Variants in NCAM2 observed in about 807,000 individuals in gnomAD.
NCAM2 encodes N-CAM-2.
In NCAM2, 30 loss-of-function variants were observed where a neutral mutation model predicts 98.1. The observed-to-expected ratio is 0.31, with a 90% CI of 0.23 to 0.41. The LOEUF is 0.41. NCAM2 is among the 10% of genes least tolerant of loss of function. NCAM2 has a pLI of 1.00. For synonymous variants in NCAM2, 368 were observed against 342.4 expected (o/e 1.07, Z -0.83); for missense variants, 867 against 1,005.8 (o/e 0.86, Z 1.87).
chr21:21,064,511 C>T (rs1454354603), intron 1 of NCAM2, among the ~76,000 whole-genome samples: 4 of 152,180 alleles, frequency 2.6e-5, no homozygotes, highest in Admixed American at 1.3e-4. Context: ...CTTTTCTCCA[C>T]TGAAAGCATT....
rs534075142 is a variant in NCAM2, at chr21:21,370,140, G to C, written c.1045-3723G>C. Among the ~76,000 whole-genome samples the C allele has an allele frequency of 2.0e-5, 3 of 151,596 alleles. No individual in the cohort carries two copies. The South Asian group carries it at 6.2e-4, about 31-fold the overall frequency. On this transcript the variant is annotated intron_variant, in intron 8 of 17. Transcript: ENST00000400546. The stretch of plus-strand genomic sequence containing the variant: ...ACTTATCATTTTGACTTGTCCTTCC[G>C]TTTTGGCATAAATACCTACGAGAAA...
At position 21,233,082 on chromosome 21, in the gene NCAM2, G is replaced by GT. The variant is rs1232509467; in HGVS notation, c.56-47489dup. 4.6e-5 allele frequency among the ~76,000 whole-genome samples: 7 copies of GT among 151,472 alleles called. No individual in the cohort carries two copies. The East Asian group carries it at 5.8e-4, about 13-fold the overall frequency. ...TGTTATGTTTGAGAGGTAGTTTTGG[G>GT]TTTTTTTCTGTGACTTCCTTCTGTA... On this transcript the variant is annotated intron_variant, in intron 1 of 17. Transcript: ENST00000400546.
chr21:21,236,851 T>C (rs1331999228), intron 1 of NCAM2, among the ~76,000 whole-genome samples: 1 of 152,012 alleles, frequency 6.6e-6, no homozygotes, highest in Non-Finnish European at 1.5e-5. Flanking sequence ...ATATCCACAA[T>C]ATCACTAGGA....
intron 1 of NCAM2, among the ~76,000 whole-genome samples, chr21:21,083,490 A>G (rs1189633764): frequency 6.6e-6 from 1 of 150,716 alleles, no homozygotes; most frequent in Non-Finnish European, 1.5e-5. Flanking sequence ...GTGTGATCTC[A>G]GCTCACTGCA....
intron 1 of NCAM2, among the ~76,000 whole-genome samples, chr21:21,057,661 A>G (rs4818600): frequency 0.88 from 133,854 of 152,040 alleles, 59,507 homozygotes; most frequent in Middle Eastern, 0.96. Flanking sequence ...TCTCCATGCA[A>G]TTGCCATTCT....
Position 21,534,673 on chromosome 21 carries a change from G to T in NCAM2, c.2402+17G>T, listed in dbSNP as rs1322272765. 1 of 1,565,926 alleles carries T rather than the reference G, an allele frequency of 6.4e-7. No individual in the cohort carries two copies. The highest frequency in any genetic ancestry group is 1.9e-5 in the Admixed American group (1 of 51,800). ...AGAACCTGAGTATGTGGCTTGGAGTGCTCACTTATGTTCAAATGGGTATTG... is the reference window on the plus strand; with the variant it reads ...AGAACCTGAGTATGTGGCTTGGAGTTCTCACTTATGTTCAAATGGGTATTG... On this transcript the variant is annotated intron_variant, in intron 17 of 17. Coordinates refer to ENST00000400546, the MANE Select transcript of NCAM2 (RefSeq NM_004540.5).
intron 1 of NCAM2, among the ~76,000 whole-genome samples, chr21:21,206,147 G>C (rs984761673): frequency 6.6e-6 from 1 of 152,138 alleles, no homozygotes; most frequent in Non-Finnish European, 1.5e-5. Flanking sequence ...TGAATGAAGA[G>C]TATTCAGAGT....
At chr21:21,410,611 T>A (rs148573829) in intron 10 of NCAM2, 150 bp downstream of exon 10, 1 of 434,456 alleles carries the variant, frequency 2.3e-6, no homozygotes, top group Non-Finnish European at 3.8e-6. Context: ...TACTTAAAGG[T>A]CCATGGCTCA....
intron 10 of NCAM2, among the ~76,000 whole-genome samples, chr21:21,411,071 C>CATATATGTGTGTATATATATAT (rs1471958720): frequency 7.0e-3 from 58 of 8,304 alleles, no homozygotes; most frequent in East Asian, 0.056. Flanking sequence ...TATATATATA[C>CATATATGTGTGTATATATATAT]ACACACATAT....
At chr21:21,301,447 C>T (rs2073710739) in intron 5 of NCAM2, among the ~76,000 whole-genome samples, 1 of 145,142 alleles carries the variant, frequency 6.9e-6, no homozygotes, top group African/African-American at 2.6e-5. Flanking sequence ...AGGTTAGTTA[C>T]ATATGTATAC....
intron 1 of NCAM2, among the ~76,000 whole-genome samples, chr21:21,258,946 G>A (rs1352713786): frequency 5.9e-5 from 9 of 152,106 alleles, no homozygotes; most frequent in Admixed American, 3.9e-4. Flanking sequence ...AAACACGGAC[G>A]TGGCACCAAT....
rs12106464 is a variant in NCAM2, at chr21:21,031,830, T to A, written c.55+33212T>A. On this transcript the variant is annotated intron_variant, in intron 1 of 17. Coordinates refer to ENST00000400546, the MANE Select transcript of NCAM2 (RefSeq NM_004540.5). ...CTTATACACACACACACACACACAC[T>A]CACACACACGTGTGCTTGTGCAATG... is the stretch of plus-strand genomic sequence containing the variant. Among the ~76,000 whole-genome samples the A allele has an allele frequency of 6.7e-4, 97 of 144,296 alleles. 1 individual carries two copies. Among genetic ancestry groups the A allele is most frequent in the Non-Finnish European group, 1.1e-3 (75 of 65,358 alleles). 94.7% of individuals were successfully genotyped at this position (144,296 alleles called of 152,430 possible). A position where few individuals can be genotyped will look rare whatever the true frequency, so the allele number is the denominator to read the frequency against.
intron 4 of NCAM2, among the ~76,000 whole-genome samples, chr21:21,289,430 T>C (rs1218658771): frequency 6.6e-6 from 1 of 151,780 alleles, no homozygotes; most frequent in South Asian, 2.1e-4. Context: ...GTAAACTACG[T>C]AGGATAAGAG....
chr21:21,231,921 G>C (rs1229073993), intron 1 of NCAM2, among the ~76,000 whole-genome samples: 7 of 151,406 alleles, frequency 4.6e-5, no homozygotes, highest in Non-Finnish European at 4.4e-5. Flanking sequence ...AACAGCATAT[G>C]CTCAATACAA....
At chr21:21,506,480 G>C (rs1987986250) in intron 15 of NCAM2, among the ~76,000 whole-genome samples, 1 of 151,944 alleles carries the variant, frequency 6.6e-6, no homozygotes. Context: ...TAGCTTGCTT[G>C]ATATATTATT....
chr21:21,394,638 G>A (rs985213558), intron 9 of NCAM2, among the ~76,000 whole-genome samples: 9 of 151,558 alleles, frequency 5.9e-5, no homozygotes, highest in African/African-American at 1.5e-4. Context: ...ACAGGTGCCC[G>A]CCACCACACC....
intron 17 of NCAM2, among the ~76,000 whole-genome samples, chr21:21,536,813 T>A (rs533411470): frequency 3.9e-5 from 6 of 152,296 alleles, no homozygotes; most frequent in African/African-American, 1.4e-4. Flanking sequence ...TTTAGGAAAA[T>A]CTTGAAAGCA....
intron 1 of NCAM2, among the ~76,000 whole-genome samples, chr21:21,027,382 TAAAACAC>T (rs2064572806): frequency 6.6e-6 from 1 of 152,190 alleles, no homozygotes; most frequent in Admixed American, 6.5e-5. Context: ...TAGAGATGAA[TAAAACAC>T]TGTCTTTTCC....
intron 1 of NCAM2, among the ~76,000 whole-genome samples, chr21:21,070,489 G>C (rs1187327542): frequency 6.6e-6 from 1 of 152,084 alleles, no homozygotes; most frequent in South Asian, 2.1e-4. Context: ...GAGGGCAGTG[G>C]AATTGAACAG....
Sources: gnomAD v4.1 joint callset for allele counts (sites outside exome capture counted in the v4.1 genomes callset) on GRCh38, gnomAD v4.1.1 for gene constraint, MANE v1.5 for transcripts, NCBI Gene and HGNC (gene_info 2026-07-23, HGNC 2026-07-21) for gene names.